Variants in CLINT1 observed in about 807,000 individuals in gnomAD.
CLINT1 encodes the protein clathrin interactor 1, also known as clathrin interacting protein localized in the trans-Golgi region.
In CLINT1, 15 loss-of-function variants were observed where a neutral mutation model predicts 70.4. The ratio of observed to expected loss-of-function variants is 0.21; its 90% CI spans 0.14 to 0.33. The LOEUF is 0.33. Ranked by LOEUF, CLINT1 falls within the 10% of genes least tolerant of loss-of-function variation. The probability of loss-of-function intolerance (pLI) is 1.00; values close to 1 mark genes in which losing one functional copy is unlikely to be tolerated. For missense variants in CLINT1, 615 were observed against 778.1 expected, an observed-to-expected ratio of 0.79 and a Z score of 2.49; for synonymous variants, 227 against 254.7, an observed-to-expected ratio of 0.89 and a Z score of 1.04.
intron 1 of CLINT1, among the ~76,000 whole-genome samples, chr5:157,844,863 A>G (rs926627926): frequency 6.6e-6 from 1 of 152,252 alleles, no homozygotes; most frequent in Non-Finnish European, 1.5e-5. Flanking sequence ...TTGCTTACAG[A>G]GAACACCTTC....
At chr5:157,844,999 T>C (rs1260667969) in intron 1 of CLINT1, among the ~76,000 whole-genome samples, 1 of 152,216 alleles carries the variant, frequency 6.6e-6, no homozygotes, top group Non-Finnish European at 1.5e-5. Flanking sequence ...ATTCCTTCTA[T>C]GATAGGTGCA....
rs1260081785 is a variant in CLINT1 at position 157,853,396 on chromosome 5, A to G, written c.41+5534T>C. On this transcript the variant is annotated intron_variant, in intron 1 of 11. Coordinates refer to ENST00000411809, the MANE Select transcript of CLINT1 (RefSeq NM_014666.4). ...GAAAAAGACTCAACTGTAGAGCCAT[A>G]TTGTGAAACCTTGGATTACTAGCAA... 2.0e-5 allele frequency among the ~76,000 whole-genome samples: 3 copies of G among 152,108 alleles called. No homozygotes were observed. The East Asian group carries it at 5.8e-4, about 29-fold the overall frequency.
At chr5:157,824,580 T>C (rs753077970) in intron 1 of CLINT1, among the ~76,000 whole-genome samples, 1 of 152,184 alleles carries the variant, frequency 6.6e-6, no homozygotes, top group Non-Finnish European at 1.5e-5. Context: ...CATAGCGCAG[T>C]AGAAGAGATA....
At chr5:157,815,114 C>T (rs555277049) in intron 3 of CLINT1, among the ~76,000 whole-genome samples, 1 of 135,290 alleles carries the variant, frequency 7.4e-6, no homozygotes, top group East Asian at 2.0e-4. Context: ...TAGACATCTT[C>T]ACACATACAC....
intron 6 of CLINT1, 106 bp downstream of exon 6, chr5:157,809,519 ATTT>A: frequency 1.2e-6 from 1 of 805,976 alleles, no homozygotes. Flanking sequence ...AAAAGGCCCA[ATTT>A]CAGATAATGT....
chr5:157,797,829 T>C (rs1377600581), intron 8 of CLINT1, among the ~76,000 whole-genome samples: 2 of 152,222 alleles, frequency 1.3e-5, no homozygotes, highest in Non-Finnish European at 2.9e-5. Context: ...TAATTACCTA[T>C]CTTCTATCAC....
At chr5:157,795,139 C>CT (rs1272828909) in intron 8 of CLINT1, 167 bp from the exon 9 acceptor site, 2 of 617,912 alleles carry the variant, frequency 3.2e-6, no homozygotes, top group Admixed American at 5.6e-5. Context: ...ACTATGTTCC[C>CT]TATGAGCTAC....
At chr5:157,854,411 C>T (rs1044487806) in intron 1 of CLINT1, among the ~76,000 whole-genome samples, 3 of 152,046 alleles carry the variant, frequency 2.0e-5, no homozygotes, top group African/African-American at 7.2e-5. Context: ...TAGCAAGAAC[C>T]CTTCTCCACA....
intron 1 of CLINT1, among the ~76,000 whole-genome samples, chr5:157,820,006 G>GA (rs1321436984): frequency 1.3e-5 from 2 of 152,176 alleles, no homozygotes; most frequent in African/African-American, 4.8e-5. Context: ...AATAATCTAA[G>GA]AATCTCCTCA....
chr5:157,807,116 C>CTATGACTAT (rs1762411124), intron 6 of CLINT1, among the ~76,000 whole-genome samples: 1 of 151,926 alleles, frequency 6.6e-6, no homozygotes, highest in Admixed American at 6.6e-5. Context: ...CTCCTTTAAA[C>CTATGACTAT]TGCTGATGCA....
intron 1 of CLINT1, among the ~76,000 whole-genome samples, chr5:157,832,644 G>A (rs1296302026): frequency 6.6e-6 from 1 of 152,052 alleles, no homozygotes; most frequent in Non-Finnish European, 1.5e-5. Flanking sequence ...TTTAGTGTTG[G>A]CCATGTTAGT....
At chr5:157,811,940 T>G (rs578110648) in intron 5 of CLINT1, among the ~76,000 whole-genome samples, 152 of 152,294 alleles carry the variant, frequency 1.0e-3, no homozygotes, top group Middle Eastern at 6.8e-3. Context: ...ATTATTTATA[T>G]GCTTTAGGAG....
intron 1 of CLINT1, among the ~76,000 whole-genome samples, chr5:157,849,840 A>G (rs909050829): frequency 1.3e-5 from 2 of 152,242 alleles, no homozygotes; most frequent in Non-Finnish European, 2.9e-5. Flanking sequence ...TCAACTTACC[A>G]AATTTAATGT....
intron 1 of CLINT1, among the ~76,000 whole-genome samples, chr5:157,822,287 T>C (rs2113233830): frequency 6.6e-6 from 1 of 152,316 alleles, no homozygotes; most frequent in East Asian, 1.9e-4. Context: ...GCCATGTTTG[T>C]ATGCTGCAAC....
intron 1 of CLINT1, among the ~76,000 whole-genome samples, chr5:157,826,110 T>C (rs1763028663): frequency 6.6e-6 from 1 of 152,028 alleles, no homozygotes; most frequent in African/African-American, 2.4e-5. Context: ...AACAATACTC[T>C]GCAAGTAGGA....
intron 1 of CLINT1, among the ~76,000 whole-genome samples, chr5:157,823,212 A>G (rs1762930119): frequency 1.3e-5 from 2 of 152,244 alleles, no homozygotes; most frequent in Non-Finnish European, 1.5e-5. Context: ...ATCTGGAGAC[A>G]GAAATAAACA....
At chr5:157,802,026 C>T (rs542557403) in intron 8 of CLINT1, among the ~76,000 whole-genome samples, 2 of 151,964 alleles carry the variant, frequency 1.3e-5, no homozygotes, top group East Asian at 1.9e-4. Flanking sequence ...TCCTGAGTAG[C>T]GGGGATTAAA....
intron 6 of CLINT1, among the ~76,000 whole-genome samples, chr5:157,807,732 TA>T (rs1437025160): frequency 6.6e-6 from 1 of 151,412 alleles, no homozygotes; most frequent in Non-Finnish European, 1.5e-5. Flanking sequence ...ACATAAAAAA[TA>T]AAAATCATGG....
intron 9 of CLINT1, among the ~76,000 whole-genome samples, chr5:157,794,405 G>A (rs1762007035): frequency 6.6e-6 from 1 of 152,110 alleles, no homozygotes; most frequent in African/African-American, 2.4e-5. Context: ...AGTTTTGCAT[G>A]AGGTTCAACT....
Sources: allele counts gnomAD v4.1 joint callset (sites outside exome capture counted in the v4.1 genomes callset), GRCh38; gene constraint gnomAD v4.1.1; transcripts MANE v1.5; gene names NCBI Gene and HGNC (gene_info 2026-07-23, HGNC 2026-07-21).